The following HTR1F variants were observed in gnomAD, a reference collection of about 807,000 sequenced individuals.
HTR1F encodes the protein 5-hydroxytryptamine (serotonin) receptor 1F, G protein-coupled.
Under a neutral mutation model 24.0 loss-of-function variants are expected in HTR1F, and 17 were observed. The ratio of observed to expected loss-of-function variants is 0.71; its 90% CI spans 0.48 to 1.06. The LOEUF is 1.06. Among genes scored for constraint, HTR1F ranks in the 50% least tolerant of loss-of-function variants. HTR1F has a pLI of 0.00. For missense variants in HTR1F, 391 were observed against 427.8 expected (o/e 0.91, Z 0.76); for synonymous variants, 186 against 156.8 (o/e 1.19, Z -1.39).
At chr3:87,902,854 T>G (rs980205946) in intron 2 of HTR1F, among the ~76,000 whole-genome samples, 2 of 148,060 alleles carry the variant, frequency 1.4e-5, no homozygotes, top group East Asian at 2.0e-4. Context: ...CGGTGTTTGG[T>G]TTTTTGTTCT....
chr3:87,827,732 T>C (rs1399374690), intron 2 of HTR1F, among the ~76,000 whole-genome samples: 1 of 152,236 alleles, frequency 6.6e-6, no homozygotes, highest in Non-Finnish European at 1.5e-5. Context: ...AGTTCTTTTA[T>C]ATTGCAAGTT....
At chr3:87,963,160 C>T (rs965185240) in intron 2 of HTR1F, among the ~76,000 whole-genome samples, 24 of 151,888 alleles carry the variant, frequency 1.6e-4, no homozygotes, top group Admixed American at 8.5e-4. Context: ...ATAAATCTAC[C>T]GAATGTCAGT....
intron 2 of HTR1F, among the ~76,000 whole-genome samples, chr3:87,979,961 C>T (rs143478219): frequency 5.7e-4 from 87 of 152,256 alleles, no homozygotes; most frequent in African/African-American, 2.0e-3. Flanking sequence ...TGCAGAGCCC[C>T]GAAGAGAGTG....
chr3:87,909,458 A>G (rs146963546), intron 2 of HTR1F, among the ~76,000 whole-genome samples: 156 of 152,112 alleles, frequency 1.0e-3, no homozygotes, highest in African/African-American at 3.6e-3. Context: ...GCTTAATATA[A>G]AAGCAGAACA....
At chr3:87,832,040 T>C (rs1218472399) in intron 2 of HTR1F, among the ~76,000 whole-genome samples, 2 of 152,134 alleles carry the variant, frequency 1.3e-5, no homozygotes, top group African/African-American at 2.4e-5. Flanking sequence ...AAATTACTTA[T>C]CACACAGGTG....
At chr3:87,924,370 G>A (rs1338221907) in intron 2 of HTR1F, among the ~76,000 whole-genome samples, 1 of 151,980 alleles carries the variant, frequency 6.6e-6, no homozygotes, top group East Asian at 1.9e-4. Context: ...GTTTTGCATA[G>A]CTTTTTTTCT....
intron 2 of HTR1F, among the ~76,000 whole-genome samples, chr3:87,890,541 C>CTT (rs79894798): frequency 0.033 from 4,496 of 134,538 alleles, 101 homozygotes; most frequent in Non-Finnish European, 0.041. Flanking sequence ...CTCCTGATGC[C>CTT]TTTTTTTTTT....
chr3:87,909,732 T>A (rs1402819186), intron 2 of HTR1F, among the ~76,000 whole-genome samples: 1 of 152,042 alleles, frequency 6.6e-6, no homozygotes, highest in Non-Finnish European at 1.5e-5. Flanking sequence ...CCCAGAGTCT[T>A]TAGAAATCCA....
intron 2 of HTR1F, among the ~76,000 whole-genome samples, chr3:87,845,338 A>T (rs1432568073): frequency 6.6e-6 from 1 of 151,318 alleles, no homozygotes; most frequent in Non-Finnish European, 1.5e-5. Flanking sequence ...AAAACCCCAT[A>T]GTCTCAGCCC....
intron 2 of HTR1F, among the ~76,000 whole-genome samples, chr3:87,834,532 G>C (rs1373132573): frequency 2.0e-5 from 3 of 151,724 alleles, no homozygotes; most frequent in Non-Finnish European, 2.9e-5. Flanking sequence ...AGAACTTCAA[G>C]GTCTAGATCA....
At chr3:87,948,546 G>C (rs1412906047) in intron 2 of HTR1F, among the ~76,000 whole-genome samples, 4 of 151,698 alleles carry the variant, frequency 2.6e-5, no homozygotes, top group Non-Finnish European at 4.4e-5. Context: ...CAGTCGCATA[G>C]TCACAGCTCA....
chr3:87,893,698 C>T (rs888041463), intron 2 of HTR1F, among the ~76,000 whole-genome samples: 3 of 152,214 alleles, frequency 2.0e-5, no homozygotes, highest in African/African-American at 7.2e-5. Flanking sequence ...CTTTGCAATC[C>T]ATGACAATAA....
intron 1 of HTR1F, among the ~76,000 whole-genome samples, chr3:87,795,779 A>G (rs1221226492): frequency 1.3e-5 from 2 of 152,200 alleles, no homozygotes; most frequent in Non-Finnish European, 2.9e-5. Context: ...CAAAATTGAC[A>G]TCTGAAACAG....
intron 1 of HTR1F, among the ~76,000 whole-genome samples, chr3:87,810,914 T>C (rs1241819804): frequency 1.3e-5 from 2 of 152,216 alleles, no homozygotes; most frequent in Admixed American, 6.5e-5. Flanking sequence ...TACACTGACA[T>C]GGAACTCATC....
chr3:87,894,258 A>T (rs1706149601), intron 2 of HTR1F, among the ~76,000 whole-genome samples: 1 of 151,914 alleles, frequency 6.6e-6, no homozygotes, highest in African/African-American at 2.4e-5. Flanking sequence ...GCTCCCACTT[A>T]CGAGTAAGAA....
chr3:87,847,132 C>A (rs1330422089), intron 2 of HTR1F, among the ~76,000 whole-genome samples: 2 of 151,654 alleles, frequency 1.3e-5, no homozygotes, highest in African/African-American at 2.4e-5. Flanking sequence ...TACAGTTTCA[C>A]TAAAAATCAA....
At chr3:87,847,299 T>G (rs1704966300) in intron 2 of HTR1F, among the ~76,000 whole-genome samples, 1 of 151,892 alleles carries the variant, frequency 6.6e-6, no homozygotes, top group Non-Finnish European at 1.5e-5. Context: ...AGGGTTCTAT[T>G]TGACAATATA....
At position 87,825,720 on chromosome 3, in the gene HTR1F, A is replaced by G. The variant is rs1487030912; in HGVS notation, c.-43+3596A>G. ...GCTACCATCACTTTCCCATAAAACCATAGAGGAATTAACTTAGAATCATGT... is the reference window on the plus strand; with the variant it reads ...GCTACCATCACTTTCCCATAAAACCGTAGAGGAATTAACTTAGAATCATGT... On this transcript the variant is annotated intron_variant, in intron 2 of 2. Coordinates refer to ENST00000319595, the MANE Select transcript of HTR1F (RefSeq NM_001322209.2). Among the ~76,000 whole-genome samples, 6 of 152,192 alleles carry G rather than the reference A, an allele frequency of 3.9e-5. No homozygotes were observed. The East Asian group carries it at 5.8e-4, about 15-fold the overall frequency.
At chr3:87,976,271 G>T (rs1198515421) in intron 2 of HTR1F, among the ~76,000 whole-genome samples, 1 of 152,088 alleles carries the variant, frequency 6.6e-6, no homozygotes, top group Non-Finnish European at 1.5e-5. Flanking sequence ...TAAAATATAA[G>T]TAACAGTCTA....
Sources: gnomAD v4.1 joint callset for allele counts (sites outside exome capture counted in the v4.1 genomes callset) on GRCh38, gnomAD v4.1.1 for gene constraint, MANE v1.5 for transcripts, NCBI Gene and HGNC (gene_info 2026-07-23, HGNC 2026-07-21) for gene names.